GAK: variants seen among roughly 807,000 people sequenced by gnomAD.
The protein encoded by GAK is cyclin G associated kinase, also known as cyclin-G-associated kinase.
In GAK, 79 loss-of-function variants were observed where a neutral mutation model predicts 143.9. That is an observed-to-expected ratio of 0.55 (90% CI 0.46 to 0.66). The LOEUF (loss-of-function observed/expected upper bound fraction) is 0.66, where lower values mean the gene tolerates loss of function less well. Among genes scored for constraint, GAK ranks in the 30% least tolerant of loss-of-function variants. The pLI is 0.00. For synonymous variants in GAK, 881 were observed against 765.5 expected (o/e 1.15, Z -2.49); for missense variants, 1,693 against 1,779.7 (o/e 0.95, Z 0.88).
intron 23 of GAK, among the ~76,000 whole-genome samples, chr4:862,489 T>C (rs1433159751): frequency 6.6e-6 from 1 of 151,820 alleles, no homozygotes; most frequent in East Asian, 1.9e-4. Context: ...TGAAACCCCG[T>C]CTCTAGGGGT....
intron 4 of GAK, among the ~76,000 whole-genome samples, chr4:907,138 C>T (rs907500678): frequency 2.3e-4 from 35 of 152,320 alleles, no homozygotes; most frequent in Admixed American, 2.0e-3. Flanking sequence ...GTGTGAGAGC[C>T]GGTCGGGACC....
intron 1 of GAK, among the ~76,000 whole-genome samples, chr4:925,302 G>A (rs1338509317): frequency 6.6e-6 from 1 of 152,082 alleles, no homozygotes; most frequent in Non-Finnish European, 1.5e-5. Flanking sequence ...GAGCAGAGCT[G>A]GGCAACCTTC....
chr4:890,744 C>T (rs2152847202), intron 9 of GAK, 122 bp from the exon 10 acceptor site: 1 of 752,514 alleles, frequency 1.3e-6, no homozygotes, highest in Non-Finnish European at 2.2e-6. Context: ...ATCTATGACA[C>T]AGTGCAAGGG....
chr4:898,584 G>A (rs1014784405), intron 5 of GAK, among the ~76,000 whole-genome samples: 6 of 152,312 alleles, frequency 3.9e-5, no homozygotes, highest in East Asian at 3.9e-4. Flanking sequence ...CTCACAGGCC[G>A]GGCGTGGTGG....
At chr4:859,806 C>G in intron 23 of GAK, 84 bp from the exon 24 acceptor site, 1 of 950,682 alleles carries the variant, frequency 1.1e-6, no homozygotes, top group Non-Finnish European at 1.6e-6. Flanking sequence ...CGCCTCCTTA[C>G]GACATGACAG....
chr4:891,513 T>A (rs925706881), intron 9 of GAK, among the ~76,000 whole-genome samples: 2 of 152,142 alleles, frequency 1.3e-5, no homozygotes, highest in Non-Finnish European at 2.9e-5. Context: ...GGACTGTGTT[T>A]TCTGGGGGAG....
chr4:920,647 G>A (rs902730464), intron 1 of GAK, among the ~76,000 whole-genome samples: 5 of 149,080 alleles, frequency 3.4e-5, no homozygotes, highest in East Asian at 2.1e-4. Flanking sequence ...GGGTTCAAGC[G>A]ATTCTCCTGC....
intron 27 of GAK, 47 bp downstream of exon 27, chr4:849,845 G>T (rs757322666): frequency 9.7e-7 from 1 of 1,027,294 alleles, no homozygotes. Flanking sequence ...CCCCCCCCCC[G>T]CCCCGCCCCT....
intron 10 of GAK, among the ~76,000 whole-genome samples, chr4:889,409 G>A (rs1302687768): frequency 6.6e-6 from 1 of 152,022 alleles, no homozygotes; most frequent in Non-Finnish European, 1.5e-5. Context: ...CTGCGAGTGA[G>A]GTCTTCACAG....
chr4:852,385 C>T (rs1748325483), intron 24 of GAK: 1 of 235,706 alleles, frequency 4.2e-6, no homozygotes, highest in Non-Finnish European at 8.4e-6. Flanking sequence ...TAGAGGGCCA[C>T]CACCATCTGT....
At chr4:880,618 C>A (rs921158516) in intron 15 of GAK, among the ~76,000 whole-genome samples, 2 of 152,142 alleles carry the variant, frequency 1.3e-5, no homozygotes, top group Non-Finnish European at 2.9e-5. Flanking sequence ...TGGCCTCCAC[C>A]GGTTGGACTC....
chr4:879,511 T>C (rs905693774), intron 15 of GAK, among the ~76,000 whole-genome samples: 3 of 152,228 alleles, frequency 2.0e-5, no homozygotes, highest in Non-Finnish European at 4.4e-5. Context: ...TACTGTTTGT[T>C]CTAGGCTTTC....
intron 5 of GAK, among the ~76,000 whole-genome samples, chr4:898,458 A>G (rs569724717): frequency 4.7e-4 from 72 of 152,410 alleles, no homozygotes; most frequent in Non-Finnish European, 9.3e-4. Context: ...AGCCTTCCTC[A>G]AAGATGTCTT....
intron 10 of GAK, 113 bp downstream of exon 10, chr4:890,419 G>A: frequency 1.4e-6 from 1 of 702,472 alleles, no homozygotes; most frequent in South Asian, 1.9e-5. Flanking sequence ...CATCTCTGGT[G>A]GGAGAGGAGG....
At chr4:863,782 T>C (rs369245091) in intron 23 of GAK, among the ~76,000 whole-genome samples, 2 of 152,216 alleles carry the variant, frequency 1.3e-5, no homozygotes, top group East Asian at 1.9e-4. Flanking sequence ...CCCAGCACTT[T>C]GGGAGGCCGA....
rs1199294338 is a variant in GAK, at chr4:877,704, G to A, written c.1767C>T (p.Ser589=). The A allele has an allele frequency of 3.1e-6, 5 of 1,613,314 alleles. No homozygotes were observed. The East Asian group carries it at 6.7e-5, about 22-fold the overall frequency. The change falls in exon 16 of 28, where the codon AGC becomes AGT. Residue 589 remains serine (S), a synonymous_variant. Coordinates refer to ENST00000314167, the MANE Select transcript of GAK (RefSeq NM_005255.4). The part of the protein sequence containing the change: ...AVVMTPVPLF[S]KQRSGCRPFC... ...AGGGCCTGCAGCCGCTCCTCTGCTT[G>A]CTGAACAGCGGCACGGGTGTCATGA...
chr4:918,412 A>G (rs1723391215), intron 1 of GAK, among the ~76,000 whole-genome samples: 1 of 152,276 alleles, frequency 6.6e-6, no homozygotes, highest in African/African-American at 2.4e-5. Context: ...AATAAAAGGC[A>G]TAAAGATCAA....
rs1274962670 is a variant in GAK, at chr4:884,072, T to A, written c.1220A>T (p.Asp407Val). 4 of 1,613,798 alleles carry A rather than the reference T, an allele frequency of 2.5e-6. No individual in the cohort carries two copies. In the African/African-American group the frequency reaches 5.3e-5, roughly 21 times the overall value. The change falls in exon 12 of 28, where the codon GAC (aspartate) becomes GTC (valine). Residue 407 changes from aspartate (D) to valine (V), a missense_variant. Physicochemically the swap from Asp to Val is radical, Grantham distance 152. Coordinates refer to ENST00000314167, the MANE Select transcript of GAK (RefSeq NM_005255.4). ...GGATGTGATGTAAGATATGTCCAGG[T>A]CACCCTTTGCATAACTGGAATTAAA... ...IQSVANYAKGDLDISYITSRI... is the reference protein window; with the variant it reads ...IQSVANYAKGVLDISYITSRI...
rs199901666 is a variant in GAK at position 859,695 on chromosome 4, G to A, written c.3194C>T (p.Pro1065Leu). 2.0e-4 allele frequency: 326 copies of A among 1,598,652 alleles called. 1 individual carries two copies. The highest frequency in any genetic ancestry group is 7.4e-4 in the African/African-American group (55 of 74,800). The change falls in exon 24 of 28, where the codon CCG (proline) becomes CTG (leucine). Residue 1065 changes from proline (P) to leucine (L), a missense_variant. Pro to Leu is a moderately conservative substitution (Grantham distance 98). Transcript: ENST00000314167. The stretch of plus-strand genomic sequence containing the variant: ...GCTGGCCTGAGAGCCACAAGGGGCC[G>A]GCTGACCTCCAGGAGAGAAGAGGGG... ...EGPLFSPGGQ[P>L]APCGSQASWT... is the part of the protein sequence containing the mutation.
Sources: allele counts gnomAD v4.1 joint callset (sites outside exome capture counted in the v4.1 genomes callset), GRCh38; gene constraint gnomAD v4.1.1; transcripts MANE v1.5; gene names NCBI Gene and HGNC (gene_info 2026-07-23, HGNC 2026-07-21).